ACAD10: variants seen among roughly 807,000 people sequenced by gnomAD.
ACAD10 encodes ACAD-10.
A neutral mutation model predicts 116.8 loss-of-function variants in ACAD10; 112 were observed. The observed-to-expected ratio is 0.96, with a 90% CI of 0.82 to 1.12. ACAD10 has a LOEUF of 1.12. Ranked by LOEUF, ACAD10 falls within the 50% of genes most tolerant of loss-of-function variation. ACAD10 has a pLI of 0.00. For missense variants in ACAD10, 1,259 were observed against 1,350.2 expected (o/e 0.93, Z 1.06); for synonymous variants, 486 against 510.6 (o/e 0.95, Z 0.65).
Position 111,705,642 on chromosome 12 carries a change from A to G in ACAD10, c.337-96A>G, listed in dbSNP as rs922558838. ...CCTGGGCTCTTGTAGCAGAGAGCAG[A>G]AGGACGCCAGGAATAAGCATTTTTT... On this transcript the variant is annotated intron_variant, in intron 3 of 20. Coordinates refer to ENST00000313698, the MANE Select transcript of ACAD10 (RefSeq NM_025247.6). 9.5e-6 allele frequency: 11 copies of G among 1,156,612 alleles called. No homozygotes were observed. The African/African-American group carries it at 1.7e-4, about 18-fold the overall frequency. 71.6% of individuals were successfully genotyped at this position (1,156,612 alleles called of 1,614,324 possible).
chr12:111,712,558 G>C lies in ACAD10; in HGVS notation c.751G>C (p.Val251Leu). ...AGCTCTCTTGGGTTTTACATTGAGA[G>C]TAGGTGTTCCAAACACTCGGCCTGT... is the stretch of plus-strand genomic sequence containing the variant. ...LEALLGFTLR[V>L]GVPNTRPVKK... is the part of the protein sequence containing the mutation. The change falls in exon 6 of 21, where the codon GTA becomes CTA. Residue 251 changes from valine (V) to leucine (L), a missense_variant. By Grantham distance (32) the Val-to-Leu change is conservative. Coordinates refer to ENST00000313698, the MANE Select transcript of ACAD10 (RefSeq NM_025247.6). The C allele has an allele frequency of 2.5e-6, 4 of 1,614,138 alleles. No individual in the cohort carries two copies. The highest frequency in any genetic ancestry group is 3.4e-6 in the Non-Finnish European group (4 of 1,179,990).
intron 12 of ACAD10, among the ~76,000 whole-genome samples, chr12:111,743,570 C>T (rs990980540): frequency 3.3e-5 from 5 of 151,286 alleles, no homozygotes; most frequent in African/African-American, 1.2e-4. Context: ...TCCTGACCTC[C>T]GGTGATCCAC....
chr12:111,727,679 G>T (rs1889256082), intron 8 of ACAD10, among the ~76,000 whole-genome samples: 2 of 152,158 alleles, frequency 1.3e-5, no homozygotes, highest in African/African-American at 4.8e-5. Context: ...GAAGAGAAAA[G>T]CATGCTGTCC....
chr12:111,749,344 G>A lies in ACAD10; in HGVS notation c.2816G>A (p.Arg939His), dbSNP rs75655687. The A allele has an allele frequency of 3.7e-5, 59 of 1,611,240 alleles. No individual in the cohort carries two copies. The highest frequency in any genetic ancestry group is 8.8e-5 in the South Asian group (8 of 91,034). The stretch of plus-strand genomic sequence containing the variant: ...AGGGCCCTGGCACTCATGAAGGCCC[G>A]CGTGAGTGCTTTCCCCCGCACCCAG... ...SERALALMKA[R>H]VKSRLAFGKP... Residue 939 changes from arginine to histidine, a missense_variant and splice_region_variant, in exon 18 of 21, where the codon CGC becomes CAC. Transcript: ENST00000313698.
At chr12:111,712,036 C>G (rs938843404) in intron 5 of ACAD10, among the ~76,000 whole-genome samples, 5 of 152,136 alleles carry the variant, frequency 3.3e-5, no homozygotes, top group Non-Finnish European at 5.9e-5. Flanking sequence ...ACCTTTGCCT[C>G]TTTTAAAAAG....
chr12:111,711,522 A>AT (rs1176078999), intron 5 of ACAD10, among the ~76,000 whole-genome samples: 2,629 of 107,272 alleles, frequency 0.025, 87 homozygotes, highest in African/African-American at 0.076. Flanking sequence ...CTGTGCTAAA[A>AT]TTTTTTTTTT....
At chr12:111,686,533 G>A (rs1413151976) in intron 1 of ACAD10, among the ~76,000 whole-genome samples, 1 of 152,178 alleles carries the variant, frequency 6.6e-6, no homozygotes, top group African/African-American at 2.4e-5. Context: ...TGGCCAACAT[G>A]GTGAAACCTC....
intron 1 of ACAD10, among the ~76,000 whole-genome samples, chr12:111,687,568 T>TA (rs1887906611): frequency 6.6e-6 from 1 of 152,196 alleles, no homozygotes; most frequent in Non-Finnish European, 1.5e-5. Flanking sequence ...CATACACACA[T>TA]ACTGTATGCA....
intron 10 of ACAD10, among the ~76,000 whole-genome samples, chr12:111,733,060 GTC>G (rs1335837543): frequency 6.6e-6 from 1 of 152,030 alleles, no homozygotes; most frequent in Non-Finnish European, 1.5e-5. Context: ...TTCCCACATG[GTC>G]TCTCCAGCAT....
chr12:111,751,438 A>G (rs1045190077), intron 18 of ACAD10, among the ~76,000 whole-genome samples: 2 of 152,320 alleles, frequency 1.3e-5, no homozygotes, highest in East Asian at 3.9e-4. Flanking sequence ...CCTCATCTCT[A>G]TAAAAAATAA....
chr12:111,708,268 C>T (rs1328272822), intron 4 of ACAD10, among the ~76,000 whole-genome samples: 1 of 152,106 alleles, frequency 6.6e-6, no homozygotes, highest in African/African-American at 2.4e-5. Context: ...TTACTTCCCC[C>T]AGATGTAATT....
intron 12 of ACAD10, among the ~76,000 whole-genome samples, chr12:111,741,990 T>A (rs1392777287): frequency 6.6e-6 from 1 of 152,228 alleles, no homozygotes; most frequent in East Asian, 1.9e-4. Context: ...GCCCAGCCCA[T>A]GTGTCCTTCT....
chr12:111,752,433 C>T (rs1212461146), intron 18 of ACAD10, among the ~76,000 whole-genome samples: 1 of 151,430 alleles, frequency 6.6e-6, no homozygotes, highest in Non-Finnish European at 1.5e-5. Flanking sequence ...ATGAAACACC[C>T]CATCTCTATT....
intron 14 of ACAD10, among the ~76,000 whole-genome samples, chr12:111,746,783 T>C: frequency 6.6e-6 from 1 of 152,130 alleles, no homozygotes; most frequent in East Asian, 1.9e-4. Context: ...GGGGGATCAC[T>C]TGAGGCCAGG....
At position 111,702,274 on chromosome 12, in the gene ACAD10, T is replaced by C. The variant is rs1888368904; in HGVS notation, c.300T>C (p.Gly100=). ...TGAGAGCAGAAATAACAGCAGAGGG[T>C]TTTTTACGAGAATTTGGGAGACTTT... ...RFMRAEITAE[G]FLREFGRLCS... The change falls in exon 3 of 21, where the codon GGT becomes GGC. Residue 100 remains glycine (G), a synonymous_variant. Transcript: ENST00000313698. 1 of 1,613,580 alleles carries C rather than the reference T, an allele frequency of 6.2e-7. No individual in the cohort carries two copies. The highest frequency in any genetic ancestry group is 2.2e-5 in the East Asian group (1 of 44,860).
intron 12 of ACAD10, among the ~76,000 whole-genome samples, chr12:111,744,346 C>CAAGA (rs1223086685): frequency 1.3e-5 from 2 of 152,178 alleles, no homozygotes; most frequent in Non-Finnish European, 2.9e-5. Flanking sequence ...AAGCAGAGAT[C>CAAGA]AAGAGCAGGG....
intron 4 of ACAD10, among the ~76,000 whole-genome samples, chr12:111,707,509 G>A (rs185671633): frequency 6.6e-6 from 1 of 152,326 alleles, no homozygotes; most frequent in East Asian, 1.9e-4. Context: ...ACCTTTTAGA[G>A]TTGTGATGGA....
chr12:111,733,877 C>A (rs74669905), intron 10 of ACAD10, 46 bp from the exon 11 acceptor site: 1 of 1,611,948 alleles, frequency 6.2e-7, no homozygotes, highest in African/African-American at 1.3e-5. Flanking sequence ...CCACCCTAGC[C>A]GGCAGTTTTC....
chr12:111,752,158 G>A (rs969771873), intron 18 of ACAD10, among the ~76,000 whole-genome samples: 9 of 151,800 alleles, frequency 5.9e-5, no homozygotes, highest in South Asian at 2.1e-4. Context: ...CTGGGAGGTC[G>A]AGGCTGCAGC....
Sources: allele counts gnomAD v4.1 joint callset (sites outside exome capture counted in the v4.1 genomes callset), GRCh38; gene constraint gnomAD v4.1.1; transcripts MANE v1.5; gene names NCBI Gene and HGNC (gene_info 2026-07-23, HGNC 2026-07-21).